The following FBRSL1 variants were observed in gnomAD, a reference collection of about 807,000 sequenced individuals.
The protein encoded by FBRSL1 is fibrosin-1-like protein.
A neutral mutation model predicts 89.6 loss-of-function variants in FBRSL1; 51 were observed. The ratio of observed to expected loss-of-function variants is 0.57; its 90% CI spans 0.45 to 0.72. The LOEUF is 0.72. Ranked by LOEUF, FBRSL1 falls within the 30% of genes least tolerant of loss-of-function variation. FBRSL1 has a pLI of 0.00. For synonymous variants in FBRSL1, 779 were observed against 681.1 expected (o/e 1.14, Z -2.24); for missense variants, 1,618 against 1,451.8 (o/e 1.11, Z -1.86).
In FBRSL1 at chr12:132,546,600, CG is replaced by C. The variant is rs562720781; in HGVS notation, c.616-1396del. On this transcript the variant is annotated intron_variant, in intron 4 of 18. Coordinates refer to ENST00000680143, the MANE Select transcript of FBRSL1 (RefSeq NM_001367871.1). This position sits in a 1 kb window ranked among gnomAD's most constrained non-coding sequence, Gnocchi z 4.0. ...CTTGGCCACGGCTGAAAGGCCAGACCGGGGGGGACCCTAGGAGAGGGCTTGG... is the reference window on the plus strand; with the variant it reads ...CTTGGCCACGGCTGAAAGGCCAGACCGGGGGGACCCTAGGAGAGGGCTTGG... Among the ~76,000 whole-genome samples, 1 of 148,102 alleles carries C rather than the reference CG, an allele frequency of 6.8e-6. No individual in the cohort carries two copies.
At chr12:132,510,617 G>A in intron 2 of FBRSL1, 3 of 1,229,672 alleles carry the variant, frequency 2.4e-6, no homozygotes, top group Non-Finnish European at 3.0e-6. Context: ...TGGAAATTGA[G>A]GCTCGGCCAG....
intron 2 of FBRSL1, among the ~76,000 whole-genome samples, chr12:132,508,968 C>T (rs1350910002): frequency 3.3e-5 from 5 of 152,206 alleles, no homozygotes; most frequent in African/African-American, 9.6e-5. Flanking sequence ...CAGCCTGCAG[C>T]TGCTTCCTCC....
rs1358364975 is a variant in FBRSL1 at position 132,542,492 on chromosome 12, G to A, written c.616-5511G>A. ...GAGGGGTCAGGGCCCCCTGCCCCAGGTAGTTCTGCTCAGGAACCTTCATGC... is the reference window on the plus strand; with the variant it reads ...GAGGGGTCAGGGCCCCCTGCCCCAGATAGTTCTGCTCAGGAACCTTCATGC... On this transcript the variant is annotated intron_variant, in intron 4 of 18. Transcript: ENST00000680143. Among the ~76,000 whole-genome samples the A allele has an allele frequency of 2.0e-5, 3 of 152,234 alleles. No individual in the cohort carries two copies. In the East Asian group the frequency reaches 5.8e-4, roughly 29 times the overall value.
intron 2 of FBRSL1, chr12:132,510,567 G>A: frequency 8.1e-7 from 1 of 1,231,058 alleles, no homozygotes; most frequent in Non-Finnish European, 1.0e-6. Context: ...TGCCGGACTA[G>A]CCTGAGGCCT....
At chr12:132,531,869 C>T (rs1021939028) in intron 4 of FBRSL1, among the ~76,000 whole-genome samples, 1 of 152,218 alleles carries the variant, frequency 6.6e-6, no homozygotes, top group South Asian at 2.1e-4. Flanking sequence ...GTAATTTTGT[C>T]CACATTGGTG....
Position 132,552,755 on chromosome 12 carries a change from G to A in FBRSL1, c.645+4723G>A, listed in dbSNP as rs968682959. The A allele has an allele frequency of 4.5e-5, 7 of 156,874 alleles. No individual in the cohort carries two copies. The Admixed American group carries it at 4.6e-4, about 10-fold the overall frequency. The allele number at this position is 156,874 out of a possible 1,614,324, so 9.7% of individuals were successfully genotyped here. On this transcript the variant is annotated intron_variant, in intron 5 of 18. Transcript: ENST00000680143. ...CCCTGCCGTGGACACTCACCCCGCA[G>A]GACAGACAGAAGGACGGATGGACGG...
intron 1 of FBRSL1, among the ~76,000 whole-genome samples, chr12:132,496,260 C>T (rs778466902): frequency 1.4e-4 from 21 of 152,320 alleles, no homozygotes; most frequent in Non-Finnish European, 2.6e-4. Flanking sequence ...GCTGTCCTTA[C>T]GGGGAGGTCT....
intron 4 of FBRSL1, among the ~76,000 whole-genome samples, chr12:132,529,587 TCTCTGCCACCCTGGG>T (rs1421165665): frequency 1.4e-4 from 18 of 132,302 alleles, no homozygotes; most frequent in East Asian, 4.5e-4. Flanking sequence ...CCTGGGCTCT[TCTCTGCCACCCTGGG>T]CTCTGCCACC....
intron 1 of FBRSL1, among the ~76,000 whole-genome samples, chr12:132,498,018 C>T (rs1275999150): frequency 6.6e-6 from 1 of 152,134 alleles, no homozygotes; most frequent in Non-Finnish European, 1.5e-5. Flanking sequence ...CTGAGCCTGG[C>T]CTGCACCCCT....
chr12:132,492,548 G>A (rs1882297), intron 1 of FBRSL1, among the ~76,000 whole-genome samples: 37,080 of 152,198 alleles, frequency 0.24, 5,266 homozygotes, highest in Non-Finnish European at 0.32. Context: ...AGGAATCTGA[G>A]TGAGGAGATG....
At chr12:132,510,730 C>G (rs2034237466) in intron 2 of FBRSL1, 5 of 1,208,696 alleles carry the variant, frequency 4.1e-6, no homozygotes, top group Non-Finnish European at 5.1e-6. Flanking sequence ...CCCTCTCCCC[C>G]CACTGGCGTC....
At chr12:132,581,180 C>T (rs1239569599) in intron 15 of FBRSL1, 7 of 980,440 alleles carry the variant, frequency 7.1e-6, no homozygotes, top group African/African-American at 3.7e-5. Flanking sequence ...AGGGTTGCAT[C>T]GCACTCAGCA....
intron 14 of FBRSL1, among the ~76,000 whole-genome samples, chr12:132,575,442 T>C (rs996926260): frequency 3.3e-5 from 5 of 152,194 alleles, no homozygotes; most frequent in African/African-American, 1.2e-4. Context: ...TTGGCCAGGA[T>C]GGTCTCAATC....
intron 18 of FBRSL1, 58 bp downstream of exon 18, chr12:132,582,324 C>T (rs575274156): frequency 4.2e-6 from 6 of 1,444,766 alleles, no homozygotes; most frequent in Admixed American, 2.0e-5. Context: ...TTCTTTCCCC[C>T]CTCCCGTCAT....
At position 132,583,112 on chromosome 12, in the gene FBRSL1, G is replaced by A. The variant is rs1320424171; in HGVS notation, c.2343G>A (p.Arg781=). 1.4e-6 allele frequency: 2 copies of A among 1,457,530 alleles called. No homozygotes were observed. The highest frequency in any genetic ancestry group is 3.1e-5 in the East Asian group (1 of 32,096). 90.3% of individuals were successfully genotyped at this position (1,457,530 alleles called of 1,614,324 possible). The change falls in exon 19 of 19, where the codon CGG becomes CGA. Residue 781 remains arginine, a synonymous_variant. Coordinates refer to ENST00000680143, the MANE Select transcript of FBRSL1 (RefSeq NM_001367871.1). The part of the protein sequence containing the change: ...GAPAEREAEP[R]VKESRSPAKE... ...CCGCGGAGCGCGAGGCCGAACCTCG[G>A]GTCAAGGAGAGCCGCTCCCCGGCCA...
intron 5 of FBRSL1, chr12:132,552,137 G>A (rs1316325734): frequency 5.5e-6 from 1 of 183,160 alleles, no homozygotes; most frequent in Non-Finnish European, 1.2e-5. Flanking sequence ...AGTGGGGCCT[G>A]GGCAGAGGAG....
chr12:132,555,210 G>A (rs533641702), intron 5 of FBRSL1, among the ~76,000 whole-genome samples: 1 of 152,306 alleles, frequency 6.6e-6, no homozygotes, highest in East Asian at 1.9e-4. Flanking sequence ...CGTTAAACCT[G>A]TGCTGGGCAC....
intron 2 of FBRSL1, among the ~76,000 whole-genome samples, chr12:132,516,593 C>A (rs1365263774): frequency 1.3e-5 from 2 of 152,320 alleles, no homozygotes; most frequent in East Asian, 3.9e-4. Context: ...GCCAGCCTAG[C>A]CTAACACTTG....
In FBRSL1 at chr12:132,548,018, G is replaced by T. The variant is rs1455233948; in HGVS notation, c.631G>T (p.Gly211Cys). The change falls in exon 5 of 19, where the codon GGC (glycine) becomes TGC (cysteine). Residue 211 changes from glycine (G) to cysteine (C), a missense_variant. Transcript: ENST00000680143. ...GTCCCTGCAGTGTGACAGCGAGAGC[G>T]GCCCGGACGACAAGGTAAGCCCAGC... ...GRGYSCDSES[G>C]PDDKASVGSE... 6.5e-7 allele frequency: 1 copy of T among 1,550,114 alleles called. No homozygotes were observed. Among genetic ancestry groups the T allele is most frequent in the South Asian group, 1.2e-5 (1 of 84,010 alleles).
Sources: gnomAD v4.1 joint callset for allele counts (sites outside exome capture counted in the v4.1 genomes callset) on GRCh38, gnomAD v4.1.1 for gene constraint, Gnocchi (gnomAD v3.1) non-coding constraint, MANE v1.5 for transcripts, NCBI Gene and HGNC (gene_info 2026-07-23, HGNC 2026-07-21) for gene names.